MAP3K3: variants seen among roughly 807,000 people sequenced by gnomAD.
MAP3K3 encodes the protein MAP/ERK kinase kinase 3.
Under a neutral mutation model 80.9 loss-of-function variants are expected in MAP3K3, and 12 were observed. That is an observed-to-expected ratio of 0.15 (90% CI 0.10 to 0.24). MAP3K3 has a LOEUF of 0.24. MAP3K3 is among the 10% of genes least tolerant of loss of function. MAP3K3 has a pLI of 1.00. For synonymous variants in MAP3K3, 272 were observed against 307.1 expected, an observed-to-expected ratio of 0.89 and a Z score of 1.19; for missense variants, 596 against 834.7, an observed-to-expected ratio of 0.71 and a Z score of 3.52.
chr17:63,635,166 T>C (rs2034297151), intron 2 of MAP3K3, among the ~76,000 whole-genome samples: 1 of 152,252 alleles, frequency 6.6e-6, no homozygotes, highest in Non-Finnish European at 1.5e-5. Flanking sequence ...GGCTATTGTA[T>C]TGGACAGCAT....
In MAP3K3 at chr17:63,688,880, T is replaced by C; in HGVS notation, c.870T>C (p.Asp290=). The change falls in exon 10 of 16, where the codon GAT becomes GAC. Residue 290 remains aspartate (D), a splice_region_variant and synonymous_variant. Transcript: ENST00000361733. ...HVSVHHKDYS[D]GRRTFPRIRR... ...CTGTGCACCACAAGGACTACAGTGATGGTGAGTTCTTCTTCACCTGCTCCC... is the reference window on the plus strand; with the variant it reads ...CTGTGCACCACAAGGACTACAGTGACGGTGAGTTCTTCTTCACCTGCTCCC... The C allele has an allele frequency of 1.2e-6, 2 of 1,612,056 alleles. No individual in the cohort carries two copies. Among genetic ancestry groups the C allele is most frequent in the Non-Finnish European group, 1.7e-6 (2 of 1,178,110 alleles).
In MAP3K3 at chr17:63,689,195, AG is replaced by A; in HGVS notation, c.871+316del. 1.9e-6 allele frequency: 1 copy of A among 538,344 alleles called. No individual in the cohort carries two copies. Among genetic ancestry groups the A allele is most frequent in the Non-Finnish European group, 3.3e-6 (1 of 301,828 alleles). 33.3% of individuals were successfully genotyped at this position (538,344 alleles called of 1,614,324 possible). A position where few individuals can be genotyped will look rare whatever the true frequency, so the allele number is the denominator to read the frequency against. On this transcript the variant is annotated intron_variant, in intron 10 of 15. Coordinates refer to ENST00000361733, the MANE Select transcript of MAP3K3 (RefSeq NM_002401.5). The surrounding 1 kb of genome is among the most constrained non-coding windows in gnomAD (Gnocchi z 4.3). ...TGGGCCCTGTAGAGGGGTAAGGAGTAGGATACAAGGAAATCAGTGCCTTCGG... is the reference window on the plus strand; with the variant it reads ...TGGGCCCTGTAGAGGGGTAAGGAGTAGATACAAGGAAATCAGTGCCTTCGG...
intron 1 of MAP3K3, among the ~76,000 whole-genome samples, chr17:63,625,891 G>A (rs763395208): frequency 6.6e-6 from 1 of 152,148 alleles, no homozygotes; most frequent in Non-Finnish European, 1.5e-5. Flanking sequence ...GGGCAACATG[G>A]TGAAACCCTG....
chr17:63,688,731 G>C, intron 9 of MAP3K3, 58 bp from the exon 10 acceptor site: 2 of 1,419,914 alleles, frequency 1.4e-6, no homozygotes, highest in Non-Finnish European at 2.0e-6. Context: ...GGGACTTGGG[G>C]GCTTAAGTGG....
intron 1 of MAP3K3, among the ~76,000 whole-genome samples, chr17:63,626,911 AAG>A (rs1208940173): frequency 6.6e-6 from 1 of 152,214 alleles, no homozygotes; most frequent in African/African-American, 2.4e-5. Flanking sequence ...ATCTATGGAA[AAG>A]AGAGAGAGTG....
rs1266834348 is a variant in MAP3K3 at position 63,695,298 on chromosome 17, C to T, written c.*1521C>T. 1 of 152,630 alleles carries T rather than the reference C, an allele frequency of 6.6e-6. No individual in the cohort carries two copies. Among genetic ancestry groups the T allele is most frequent in the Non-Finnish European group, 1.5e-5 (1 of 68,034 alleles). 9.5% of individuals were successfully genotyped at this position (152,630 alleles called of 1,614,324 possible). ...ACATCATGTAATGTGAGGCCTTGTA[C>T]TTGTTAATTTATATCTCAGATCATA... On this transcript the variant is annotated 3_prime_UTR_variant, in exon 16 of 16. Transcript: ENST00000361733. The surrounding 1 kb of genome is among the most constrained non-coding windows in gnomAD (Gnocchi z 4.1).
intron 8 of MAP3K3, among the ~76,000 whole-genome samples, chr17:63,687,053 T>C (rs571452738): frequency 6.6e-6 from 1 of 152,280 alleles, no homozygotes; most frequent in Admixed American, 6.5e-5. Flanking sequence ...ACATAGACTT[T>C]GGGTTCATAG....
intron 2 of MAP3K3, chr17:63,634,864 A>G: frequency 7.3e-7 from 1 of 1,364,162 alleles, no homozygotes; most frequent in South Asian, 1.2e-5. Context: ...TCATGCTGCA[A>G]CAGCAGAATT....
Position 63,689,582 on chromosome 17 carries a change from A to G in MAP3K3, c.910A>G (p.Asn304Asp). The G allele has an allele frequency of 6.2e-7, 1 of 1,613,890 alleles. No homozygotes were observed. The highest frequency in any genetic ancestry group is 2.2e-5 in the East Asian group (1 of 44,888). The change falls in exon 11 of 16, where the codon AAC (asparagine) becomes GAC (aspartate). Residue 304 changes from asparagine to aspartate, a missense_variant. This residue lies in a region of MAP3K3 where 364 missense variants were observed against 588.9 expected (regional missense o/e 0.62). Transcript: ENST00000361733. This position sits in a 1 kb window ranked among gnomAD's most constrained non-coding sequence, Gnocchi z 4.3. ...TCCCCGAATACGGCGTCATCAAGGC[A>G]ACTTGTTCACCCTGGTGCCCTCCAG... Reference protein sequence around the residue: ...TFPRIRRHQGNLFTLVPSSRS... With the variant: ...TFPRIRRHQGDLFTLVPSSRS...
chr17:63,655,885 T>A (rs559160817), intron 4 of MAP3K3, among the ~76,000 whole-genome samples: 1 of 152,350 alleles, frequency 6.6e-6, no homozygotes, highest in East Asian at 1.9e-4. Flanking sequence ...TAATATGATT[T>A]GCAGAACATT....
In MAP3K3 at chr17:63,691,379, G is replaced by A. The variant is rs2035587761; in HGVS notation, c.1344+146G>A. 1.7e-6 allele frequency: 2 copies of A among 1,170,864 alleles called. No individual in the cohort carries two copies. The highest frequency in any genetic ancestry group is 2.1e-5 in the Admixed American group (1 of 47,770). The allele number at this position is 1,170,864 out of a possible 1,614,324, so 72.5% of individuals were successfully genotyped here. On this transcript the variant is annotated intron_variant, in intron 13 of 15. Transcript: ENST00000361733. The surrounding 1 kb of genome is among the most constrained non-coding windows in gnomAD (Gnocchi z 4.8). ...AGAGGAGCAAAGTGAGGTGATGGTG[G>A]GACTTGGAGTCAGGAGGGCCCTGCC...
rs1598128203 is a variant in MAP3K3, at chr17:63,693,048, T to C, written c.1653-501T>C. Among the ~76,000 whole-genome samples the C allele has an allele frequency of 6.6e-6, 1 of 151,590 alleles. No homozygotes were observed. Among genetic ancestry groups the C allele is most frequent in the African/African-American group, 2.4e-5 (1 of 41,230 alleles). The stretch of plus-strand genomic sequence containing the variant: ...GAGGTGAGACAATGAAAGCAAGAGG[T>C]TGGAGTAATACAAGGAGGGGACCAT... On this transcript the variant is annotated intron_variant, in intron 15 of 15. Transcript: ENST00000361733. This position sits in a 1 kb window ranked among gnomAD's most constrained non-coding sequence, Gnocchi z 4.2.
At chr17:63,676,318 C>A (rs1306430871) in intron 6 of MAP3K3, among the ~76,000 whole-genome samples, 1 of 152,180 alleles carries the variant, frequency 6.6e-6, no homozygotes, top group African/African-American at 2.4e-5. Context: ...ACCTGTAAAA[C>A]CAGGGGAGAG....
intron 3 of MAP3K3, among the ~76,000 whole-genome samples, chr17:63,647,664 C>T (rs920752991): frequency 1.3e-5 from 2 of 152,160 alleles, no homozygotes; most frequent in African/African-American, 2.4e-5. Context: ...GAGCTGTTTT[C>T]AGGAGCCATG....
At chr17:63,631,047 G>A (rs2034205439) in intron 1 of MAP3K3, among the ~76,000 whole-genome samples, 1 of 152,308 alleles carries the variant, frequency 6.6e-6, no homozygotes, top group South Asian at 2.1e-4. Flanking sequence ...AGCATTTTGG[G>A]AGGCTAAGGA....
At chr17:63,682,901 G>C (rs1019065118) in intron 7 of MAP3K3, 1 of 152,272 alleles carries the variant, frequency 6.6e-6, no homozygotes, top group Non-Finnish European at 1.5e-5. Context: ...AATTGGAAGA[G>C]GGAGCAATCA....
chr17:63,688,708 C>T, intron 9 of MAP3K3, 81 bp from the exon 10 acceptor site: 1 of 1,407,598 alleles, frequency 7.1e-7, no homozygotes, highest in South Asian at 1.2e-5. Flanking sequence ...GCTTTGAGGT[C>T]TCAGGTGCCT....
intron 6 of MAP3K3, among the ~76,000 whole-genome samples, chr17:63,675,502 C>T (rs9897006): frequency 0.034 from 5,187 of 152,260 alleles, 318 homozygotes; most frequent in African/African-American, 0.12. Flanking sequence ...AGCTTTAAGT[C>T]AGAGTACAAA....
intron 7 of MAP3K3, among the ~76,000 whole-genome samples, 160 bp from the exon 8 acceptor site, chr17:63,685,357 G>A (rs2035426317): frequency 6.6e-6 from 1 of 152,202 alleles, no homozygotes; most frequent in South Asian, 2.1e-4. Flanking sequence ...TAAGGGGGAG[G>A]ATGGTACCTT....
Sources: allele counts gnomAD v4.1 joint callset (sites outside exome capture counted in the v4.1 genomes callset), GRCh38; gene constraint gnomAD v4.1.1; regional missense constraint gnomAD v4.1.1; non-coding constraint Gnocchi (gnomAD v3.1); transcripts MANE v1.5; gene names NCBI Gene and HGNC (gene_info 2026-07-23, HGNC 2026-07-21).